ASCC2: variants seen among roughly 807,000 people sequenced by gnomAD.
ASCC2 encodes the protein ASC-1 complex subunit P100.
A neutral mutation model predicts 93.5 loss-of-function variants in ASCC2; 42 were observed. That is an observed-to-expected ratio of 0.45 (90% confidence interval 0.35 to 0.58). ASCC2 has a LOEUF of 0.58. Among genes scored for constraint, ASCC2 ranks in the 20% least tolerant of loss-of-function variants. The pLI is 0.00. For missense variants in ASCC2, 859 were observed against 977.6 expected, an observed-to-expected ratio of 0.88 and a Z score of 1.62; for synonymous variants, 364 against 384.2, an observed-to-expected ratio of 0.95 and a Z score of 0.62.
rs1177422058 is a variant in ASCC2 at position 29,825,463 on chromosome 22, T to G, written c.240+159A>C. 8.4e-7 allele frequency: 1 copy of G among 1,187,638 alleles called. No homozygotes were observed. The highest frequency in any genetic ancestry group is 1.2e-6 in the Non-Finnish European group (1 of 838,532). The allele number at this position is 1,187,638 out of a possible 1,614,324, so 73.6% of individuals were successfully genotyped here. ...GAAAGGTGTGTAAACATTAAGATTGTGATACAAGACAGAGCAATCCGAACC... is the reference window on the plus strand; with the variant it reads ...GAAAGGTGTGTAAACATTAAGATTGGGATACAAGACAGAGCAATCCGAACC... On this transcript the variant is annotated intron_variant, in intron 3 of 19. Coordinates refer to ENST00000307790, the MANE Select transcript of ASCC2 (RefSeq NM_032204.5). This position sits in a 1 kb window ranked among gnomAD's most constrained non-coding sequence, Gnocchi z 4.9.
intron 1 of ASCC2, among the ~76,000 whole-genome samples, chr22:29,836,221 G>C (rs1197748847): frequency 6.6e-6 from 1 of 151,794 alleles, no homozygotes. Context: ...GGTCAGATAG[G>C]GGATGACAGA....
intron 17 of ASCC2, 93 bp from the exon 18 acceptor site, chr22:29,792,628 C>T (rs979796440): frequency 1.2e-5 from 18 of 1,533,538 alleles, no homozygotes; most frequent in African/African-American, 2.8e-5. Flanking sequence ...GAGATGGGGC[C>T]GCCAGGAGGG....
chr22:29,791,682 C>T (rs2057764103), intron 18 of ASCC2, among the ~76,000 whole-genome samples: 1 of 152,080 alleles, frequency 6.6e-6, no homozygotes, highest in Admixed American at 6.6e-5. Context: ...ACGCCATCTC[C>T]AAAACAACAA....
At chr22:29,792,577 C>T (rs775232124) in intron 17 of ASCC2, 42 bp from the exon 18 acceptor site, 6 of 1,609,920 alleles carry the variant, frequency 3.7e-6, no homozygotes, top group Middle Eastern at 1.7e-4. Context: ...CGAGGTTCAA[C>T]CAGGAGCAAG....
intron 15 of ASCC2, among the ~76,000 whole-genome samples, chr22:29,796,680 T>C (rs2058480538): frequency 6.6e-6 from 1 of 152,238 alleles, no homozygotes; most frequent in Middle Eastern, 3.4e-3. Flanking sequence ...CCTGGCTTTC[T>C]ATGCTAAGCT....
chr22:29,821,821 C>T lies in ASCC2; in HGVS notation c.541+514G>A, dbSNP rs562446015. The T allele has an allele frequency of 1.4e-5, 5 of 351,054 alleles. No homozygotes were observed. In the East Asian group the frequency reaches 3.3e-4, roughly 24 times the overall value. 21.7% of individuals were successfully genotyped at this position (351,054 alleles called of 1,614,324 possible). ...ACCAGCTGGAACAACATAGTGAGACCCCATCTACTAAAAAAAATTTTTTTT... is the reference window on the plus strand; with the variant it reads ...ACCAGCTGGAACAACATAGTGAGACTCCATCTACTAAAAAAAATTTTTTTT... On this transcript the variant is annotated intron_variant, in intron 5 of 19. Transcript: ENST00000307790.
intron 7 of ASCC2, among the ~76,000 whole-genome samples, 176 bp from the exon 8 acceptor site, chr22:29,813,718 T>G (rs1320500677): frequency 6.6e-6 from 1 of 152,176 alleles, no homozygotes; most frequent in Non-Finnish European, 1.5e-5. Context: ...AGGAGCACGA[T>G]CTGGGTGAGT....
intron 1 of ASCC2, among the ~76,000 whole-genome samples, chr22:29,837,663 T>A (rs2064004030): frequency 6.6e-6 from 1 of 152,092 alleles, no homozygotes; most frequent in Non-Finnish European, 1.5e-5. Context: ...ATTCCTCTAG[T>A]CTCTCAATTA....
intron 17 of ASCC2, 121 bp downstream of exon 17, chr22:29,793,239 G>T: frequency 3.6e-6 from 5 of 1,378,096 alleles, no homozygotes; most frequent in Non-Finnish European, 5.0e-6. Context: ...ACTGGATTAG[G>T]AGTCAGGAGG....
intron 5 of ASCC2, among the ~76,000 whole-genome samples, chr22:29,818,220 T>G (rs1018927321): frequency 3.9e-5 from 6 of 152,020 alleles, no homozygotes; most frequent in African/African-American, 1.5e-4. Context: ...TCACTTTGAC[T>G]GAGTTTCCGC....
At chr22:29,816,188 C>T (rs2060830186) in intron 5 of ASCC2, 115 bp from the exon 6 acceptor site, 1 of 880,022 alleles carries the variant, frequency 1.1e-6, no homozygotes, top group Non-Finnish European at 1.8e-6. Flanking sequence ...TTTTCCTAAT[C>T]CTATCTGCAG....
chr22:29,833,662 G>A (rs1415672775), intron 1 of ASCC2: 2 of 470,438 alleles, frequency 4.3e-6, no homozygotes, highest in East Asian at 1.4e-4. Context: ...CGGAATAGAA[G>A]TGTATTAGGC....
At chr22:29,827,284 T>C (rs1279623620) in intron 2 of ASCC2, among the ~76,000 whole-genome samples, 1 of 151,890 alleles carries the variant, frequency 6.6e-6, no homozygotes, top group Non-Finnish European at 1.5e-5. Flanking sequence ...ATGGGCTCAG[T>C]TTTCTCCTCT....
At chr22:29,789,724 T>A (rs2068694677) in intron 19 of ASCC2, among the ~76,000 whole-genome samples, 1 of 152,184 alleles carries the variant, frequency 6.6e-6, no homozygotes, top group Non-Finnish European at 1.5e-5. Flanking sequence ...CTTCTGTGGC[T>A]CCCCACTGCC....
intron 8 of ASCC2, among the ~76,000 whole-genome samples, chr22:29,809,619 A>T (rs1383689347): frequency 6.6e-6 from 1 of 151,868 alleles, no homozygotes; most frequent in Non-Finnish European, 1.5e-5. Context: ...TCTCCACTAA[A>T]AATACGAAAA....
intron 15 of ASCC2, among the ~76,000 whole-genome samples, chr22:29,797,519 T>A (rs1451933538): frequency 6.6e-6 from 1 of 152,214 alleles, no homozygotes; most frequent in African/African-American, 2.4e-5. Flanking sequence ...AGGTCTGCTT[T>A]GCCACTTCCT....
chr22:29,801,682 T>A (rs1601885372), intron 14 of ASCC2, among the ~76,000 whole-genome samples: 1 of 152,076 alleles, frequency 6.6e-6, no homozygotes, highest in Non-Finnish European at 1.5e-5. Context: ...CAGGGGCAGG[T>A]CAGGAATGTA....
rs537567887 is a variant in ASCC2, at chr22:29,804,737, C to G, written c.1254G>C (p.Ser418=). 1 of 1,614,128 alleles carries G rather than the reference C, an allele frequency of 6.2e-7. No homozygotes were observed. The highest frequency in any genetic ancestry group is 8.5e-7 in the Non-Finnish European group (1 of 1,180,008). ...RRKATDAKDP[S]VIEEPNGEPN... is the part of the protein sequence containing the mutation. The stretch of plus-strand genomic sequence containing the variant: ...GCTCCCCATTAGGCTCCTCAATCAC[C>G]GATGGGTCTTTAGCATCTGTGGCTT... The change falls in exon 13 of 20, where the codon TCG becomes TCC. Residue 418 remains serine, a synonymous_variant. Transcript: ENST00000307790.
At chr22:29,835,419 A>AT (rs2063654512) in intron 1 of ASCC2, among the ~76,000 whole-genome samples, 1 of 151,782 alleles carries the variant, frequency 6.6e-6, no homozygotes, top group African/African-American at 2.4e-5. Context: ...AAAAAAAAAA[A>AT]ATTTTTTTTC....
Sources: gnomAD v4.1 joint callset for allele counts (sites outside exome capture counted in the v4.1 genomes callset) on GRCh38, gnomAD v4.1.1 for gene constraint, Gnocchi (gnomAD v3.1) non-coding constraint, MANE v1.5 for transcripts, NCBI Gene and HGNC (gene_info 2026-07-23, HGNC 2026-07-21) for gene names.